Variants in GFPT2 observed in about 807,000 individuals in gnomAD.
The protein encoded by GFPT2 is glutamine--fructose-6-phosphate aminotransferase [isomerizing] 2.
A neutral mutation model predicts 85.6 loss-of-function variants in GFPT2; 62 were observed. The ratio of observed to expected loss-of-function variants is 0.72; its 90% confidence interval spans 0.59 to 0.90. The LOEUF is 0.90. Ranked by LOEUF, GFPT2 falls within the 40% of genes least tolerant of loss-of-function variation. The pLI is 0.00. For synonymous variants in GFPT2, 368 were observed against 344.5 expected (o/e 1.07, Z -0.75); for missense variants, 788 against 893.4 (o/e 0.88, Z 1.50).
chr5:180,320,972 G>T (rs941546292), intron 9 of GFPT2, among the ~76,000 whole-genome samples: 5 of 152,180 alleles, frequency 3.3e-5, no homozygotes, highest in Middle Eastern at 3.4e-3. Flanking sequence ...ACAAAACTTT[G>T]TATAAAAGTA....
intron 1 of GFPT2, among the ~76,000 whole-genome samples, chr5:180,342,416 T>TG (rs1408603787): frequency 2.2e-4 from 33 of 147,626 alleles, no homozygotes; most frequent in African/African-American, 7.5e-4. Context: ...TGTTTTTTTT[T>TG]TTTTTTTTTT....
At chr5:180,329,488 G>C (rs1764268534) in intron 6 of GFPT2, among the ~76,000 whole-genome samples, 1 of 152,214 alleles carries the variant, frequency 6.6e-6, no homozygotes, top group African/African-American at 2.4e-5. Flanking sequence ...AAATGGAAAA[G>C]AAGAAACAGC....
intron 1 of GFPT2, chr5:180,352,716 C>T (rs1242630929): frequency 1.2e-5 from 5 of 411,454 alleles, no homozygotes. Flanking sequence ...CGGGGGCGAC[C>T]GGGCGGGCTG....
At position 180,316,378 on chromosome 5, in the gene GFPT2, C is replaced by T. The variant is rs1764010034; in HGVS notation, c.1236G>A (p.Val412=). The part of the protein sequence containing the change: ...ASDFLDRNTP[V]FRDDVCFFIS... ...TGAAAAAGCAAACGTCATCCCTGAACACAGGTGTGTTCCTGTCCAGAAAAT... is the reference window on the plus strand; with the variant it reads ...TGAAAAAGCAAACGTCATCCCTGAATACAGGTGTGTTCCTGTCCAGAAAAT... The change falls in exon 13 of 19, where the codon GTG becomes GTA. Residue 412 remains valine (V), a synonymous_variant. Coordinates refer to ENST00000253778, the MANE Select transcript of GFPT2 (RefSeq NM_005110.4). The T allele has an allele frequency of 6.2e-7, 1 of 1,614,068 alleles. No homozygotes were observed. The highest frequency in any genetic ancestry group is 8.5e-7 in the Non-Finnish European group (1 of 1,179,908).
rs543986638 is a variant in GFPT2, at chr5:180,324,165, C to G, written c.794+23G>C. On this transcript the variant is annotated intron_variant, in intron 9 of 18. Transcript: ENST00000253778. ...TCTTTGATTATGTAATCCCAGGAAG[C>G]GAAGAGAAGAAGGCTCAGTTACCTT... The G allele has an allele frequency of 4.0e-6, 5 of 1,254,262 alleles. No homozygotes were observed. In the African/African-American group the frequency reaches 5.9e-5, roughly 15 times the overall value. The allele number at this position is 1,254,262 out of a possible 1,614,324, so 77.7% of individuals were successfully genotyped here. A position where few individuals can be genotyped will look rare whatever the true frequency, so the allele number is the denominator to read the frequency against.
At chr5:180,340,413 C>T (rs1408615680) in intron 1 of GFPT2, among the ~76,000 whole-genome samples, 5 of 151,702 alleles carry the variant, frequency 3.3e-5, no homozygotes, top group Non-Finnish European at 5.9e-5. Context: ...TCCATGTTGG[C>T]CAGGCTGGTC....
In GFPT2 at chr5:180,328,386, C is replaced by A; in HGVS notation, c.535-48G>T. The A allele has an allele frequency of 4.7e-6, 7 of 1,477,412 alleles. No individual in the cohort carries two copies. The highest frequency in any genetic ancestry group is 5.7e-6 in the Non-Finnish European group (6 of 1,056,476). 91.5% of individuals were successfully genotyped at this position (1,477,412 alleles called of 1,614,324 possible). On this transcript the variant is annotated intron_variant, in intron 6 of 18. Coordinates refer to ENST00000253778, the MANE Select transcript of GFPT2 (RefSeq NM_005110.4). The surrounding 1 kb of genome is among the most constrained non-coding windows in gnomAD (Gnocchi z 5.4). ...GGTCAACGCGTTCCAGCAGCCGCTG[C>A]TGCAGCCTGGCCACAGCCCAGGTGC...
chr5:180,337,183 G>C (rs187615447), intron 2 of GFPT2, among the ~76,000 whole-genome samples: 1 of 152,172 alleles, frequency 6.6e-6, no homozygotes, highest in Admixed American at 6.5e-5. Flanking sequence ...GGCCGGGTGC[G>C]GTGGCTCACG....
intron 17 of GFPT2, among the ~76,000 whole-genome samples, chr5:180,302,817 G>A (rs1763702834): frequency 6.6e-6 from 1 of 152,188 alleles, no homozygotes; most frequent in Non-Finnish European, 1.5e-5. Flanking sequence ...CCATCCTGCT[G>A]CATCATTTGG....
At chr5:180,317,858 G>T (rs1177498847) in intron 10 of GFPT2, among the ~76,000 whole-genome samples, 1 of 152,118 alleles carries the variant, frequency 6.6e-6, no homozygotes, top group East Asian at 1.9e-4. Context: ...GGGCTGCAGG[G>T]TGTTCAAGCC....
intron 7 of GFPT2, 50 bp from the exon 8 acceptor site, chr5:180,324,945 G>A: frequency 8.9e-7 from 1 of 1,119,738 alleles, no homozygotes; most frequent in Non-Finnish European, 1.4e-6. Context: ...GACGCCCAGT[G>A]CTGGGTGTCT....
At chr5:180,332,780 TCC>T (rs1259755905) in intron 4 of GFPT2, among the ~76,000 whole-genome samples, 2 of 152,194 alleles carry the variant, frequency 1.3e-5, no homozygotes, top group Non-Finnish European at 2.9e-5. Flanking sequence ...CCTCAGGCGA[TCC>T]ACCCACCTTG....
chr5:180,321,453 C>CA (rs1158050525), intron 9 of GFPT2, among the ~76,000 whole-genome samples: 1 of 152,260 alleles, frequency 6.6e-6, no homozygotes, highest in Non-Finnish European at 1.5e-5. Flanking sequence ...CTTGCCAGAC[C>CA]TGTGCCCGTG....
chr5:180,315,480 T>A (rs1200243531), intron 13 of GFPT2, among the ~76,000 whole-genome samples: 1 of 151,988 alleles, frequency 6.6e-6, no homozygotes, highest in Non-Finnish European at 1.5e-5. Flanking sequence ...GCCCGGCCGG[T>A]TATATGTTTT....
At chr5:180,317,850 G>T (rs1407805465) in intron 10 of GFPT2, among the ~76,000 whole-genome samples, 1 of 152,068 alleles carries the variant, frequency 6.6e-6, no homozygotes, top group South Asian at 2.1e-4. Flanking sequence ...GGACAATGGG[G>T]CTGCAGGGTG....
intron 8 of GFPT2, 95 bp downstream of exon 8, chr5:180,324,721 T>C (rs1764180062): frequency 1.2e-6 from 1 of 838,022 alleles, no homozygotes; most frequent in Non-Finnish European, 2.1e-6. Context: ...GAGTGGGGTT[T>C]CCTTGCCTCA....
chr5:180,326,185 G>T (rs4537018), intron 7 of GFPT2, among the ~76,000 whole-genome samples: 102,483 of 152,062 alleles, frequency 0.67, 34,825 homozygotes, highest in East Asian at 0.77. Context: ...TAACACATGC[G>T]CTCTAAACCT....
intron 10 of GFPT2, 115 bp from the exon 11 acceptor site, chr5:180,317,173 A>G (rs1216939392): frequency 4.0e-6 from 3 of 757,632 alleles, no homozygotes; most frequent in Non-Finnish European, 7.1e-6. Flanking sequence ...AGGCATCCCC[A>G]GGGATTACCC....
rs777508555 is a variant in GFPT2 at position 180,330,689 on chromosome 5, T to G, written c.534+11A>C. 33 of 1,607,356 alleles carry G rather than the reference T, an allele frequency of 2.1e-5. 1 individual carries two copies. In the Admixed American group the frequency reaches 4.3e-4, roughly 21 times the overall value. On this transcript the variant is annotated intron_variant, in intron 6 of 18. Transcript: ENST00000253778. The surrounding 1 kb of genome is among the most constrained non-coding windows in gnomAD (Gnocchi z 4.4). Reference sequence around the variant, plus strand: ...AAGGAATGAGTTAGACAGATGGGATTTGTAACTCACCAACTGCTGAATGAC... The same window carrying G: ...AAGGAATGAGTTAGACAGATGGGATGTGTAACTCACCAACTGCTGAATGAC...
Sources: allele counts gnomAD v4.1 joint callset (sites outside exome capture counted in the v4.1 genomes callset), GRCh38; gene constraint gnomAD v4.1.1; non-coding constraint Gnocchi (gnomAD v3.1); transcripts MANE v1.5; gene names NCBI Gene and HGNC (gene_info 2026-07-23, HGNC 2026-07-21).